WAC: variants seen among roughly 807,000 people sequenced by gnomAD.
WAC encodes the protein WW domain containing adaptor with coiled-coil, also known as WW domain-containing adapter protein with coiled-coil.
In WAC, 11 loss-of-function variants were observed where a neutral mutation model predicts 79.6. The ratio of observed to expected loss-of-function variants is 0.14; its 90% CI spans 0.09 to 0.23. WAC has a LOEUF of 0.23. WAC is among the 10% of genes least tolerant of loss of function. The pLI is 1.00. For missense variants in WAC, 728 were observed against 773.5 expected (o/e 0.94, Z 0.70); for synonymous variants, 304 against 276.9 (o/e 1.10, Z -0.97).
intron 3 of WAC, among the ~76,000 whole-genome samples, chr10:28,538,751 T>G (rs1207053309): frequency 6.6e-6 from 1 of 150,640 alleles, no homozygotes; most frequent in Non-Finnish European, 1.5e-5. Flanking sequence ...ATTTTTTTTT[T>G]GATTAGCTGG....
chr10:28,566,876 C>A (rs992903074), intron 3 of WAC, among the ~76,000 whole-genome samples: 5 of 150,402 alleles, frequency 3.3e-5, no homozygotes, highest in Admixed American at 2.6e-4. Context: ...GTGGTGAGTC[C>A]TTTTCAATCT....
intron 3 of WAC, among the ~76,000 whole-genome samples, chr10:28,573,393 ATG>A (rs1839081554): frequency 6.6e-6 from 1 of 152,166 alleles, no homozygotes; most frequent in Admixed American, 6.5e-5. Flanking sequence ...ATTACACAGT[ATG>A]TGGTCTTTTG....
intron 12 of WAC, among the ~76,000 whole-genome samples, chr10:28,616,935 T>C (rs1841493406): frequency 6.6e-6 from 1 of 152,056 alleles, no homozygotes; most frequent in African/African-American, 2.4e-5. Context: ...GTATAAAAAT[T>C]AGCCAGGCAT....
intron 10 of WAC, among the ~76,000 whole-genome samples, chr10:28,614,054 C>T (rs1841364713): frequency 6.6e-6 from 1 of 151,688 alleles, no homozygotes; most frequent in African/African-American, 2.4e-5. Context: ...AACAGTAAAT[C>T]AGAAGAGATA....
chr10:28,608,089 T>C (rs1289252404), intron 7 of WAC, 97 bp from the exon 8 acceptor site: 7 of 1,392,364 alleles, frequency 5.0e-6, no homozygotes, highest in Non-Finnish European at 6.9e-6. Context: ...TGAGATTACT[T>C]ACGTTAGGTG....
At chr10:28,543,156 A>G (rs1414322729) in intron 3 of WAC, among the ~76,000 whole-genome samples, 1 of 152,222 alleles carries the variant, frequency 6.6e-6, no homozygotes, top group Non-Finnish European at 1.5e-5. Flanking sequence ...GTGGGTCCCA[A>G]AGATCTGCCT....
chr10:28,533,849 C>G (rs575277867), intron 1 of WAC, 149 bp from the exon 2 acceptor site: 46 of 1,086,642 alleles, frequency 4.2e-5, no homozygotes, highest in Non-Finnish European at 5.8e-5. Flanking sequence ...CCGGAGGCTC[C>G]GGGTTTGTGC....
At chr10:28,570,194 G>A (rs143869264) in intron 3 of WAC, among the ~76,000 whole-genome samples, 1 of 152,286 alleles carries the variant, frequency 6.6e-6, no homozygotes, top group East Asian at 1.9e-4. Flanking sequence ...TTTGGGAAAA[G>A]TACTATTCCA....
chr10:28,596,229 T>C (rs1450235377), intron 7 of WAC, among the ~76,000 whole-genome samples, 188 bp downstream of exon 7: 1 of 152,228 alleles, frequency 6.6e-6, no homozygotes, highest in Non-Finnish European at 1.5e-5. Context: ...TTTATAATTA[T>C]CCAGCCTCAG....
intron 4 of WAC, 63 bp downstream of exon 4, chr10:28,583,568 A>AG: frequency 8.8e-7 from 1 of 1,136,862 alleles, no homozygotes; most frequent in South Asian, 1.6e-5. Context: ...AAAAAAAAAA[A>AG]TACAACCCAT....
chr10:28,604,219 C>T (rs1035560231), intron 7 of WAC, among the ~76,000 whole-genome samples: 4 of 150,296 alleles, frequency 2.7e-5, no homozygotes, highest in Non-Finnish European at 4.4e-5. Context: ...TAAGGCCTAC[C>T]TTCCCAGCAT....
At chr10:28,568,208 A>G (rs1404696640) in intron 3 of WAC, among the ~76,000 whole-genome samples, 1 of 152,174 alleles carries the variant, frequency 6.6e-6, no homozygotes, top group South Asian at 2.1e-4. Flanking sequence ...CTTCTTTTTG[A>G]AAGTTTACTT....
chr10:28,593,528 G>C (rs1840203385), intron 6 of WAC, among the ~76,000 whole-genome samples: 1 of 152,052 alleles, frequency 6.6e-6, no homozygotes, highest in Non-Finnish European at 1.5e-5. Context: ...AGCACTTTGG[G>C]AGGCCGAGAC....
chr10:28,594,739 G>A lies in WAC; in HGVS notation c.611-994G>A, dbSNP rs563324054. 2.0e-3 allele frequency among the ~76,000 whole-genome samples: 307 copies of A among 152,270 alleles called. 1 individual carries two copies. The highest frequency in any genetic ancestry group is 3.9e-3 in the South Asian group (19 of 4,828). ...AACTATACAATAATCAACAGAGAGGGCATCCTTTAGTAAAATTATTGTACA... is the reference window on the plus strand; with the variant it reads ...AACTATACAATAATCAACAGAGAGGACATCCTTTAGTAAAATTATTGTACA... On this transcript the variant is annotated intron_variant, in intron 6 of 13. Transcript: ENST00000354911.
rs535211475 is a variant in WAC, at chr10:28,577,668, A to G, written c.275-5731A>G. On this transcript the variant is annotated intron_variant, in intron 3 of 13. Coordinates refer to ENST00000354911, the MANE Select transcript of WAC (RefSeq NM_016628.5). ...AGTAACAGAGGAAGAAGATCTTGGGAAGGTACTGACCTGTAGAGTATAATA... is the reference window on the plus strand; with the variant it reads ...AGTAACAGAGGAAGAAGATCTTGGGGAGGTACTGACCTGTAGAGTATAATA... Among the ~76,000 whole-genome samples, 144 of 152,302 alleles carry G rather than the reference A, an allele frequency of 9.5e-4. 3 individuals are homozygous for G. The South Asian group carries it at 0.028, about 30-fold the overall frequency.
At position 28,620,024 on chromosome 10, in the gene WAC, ATTC is replaced by A. The variant is rs1841634485; in HGVS notation, c.*419_*421del. 6.5e-6 allele frequency: 1 copy of A among 153,798 alleles called. No individual in the cohort carries two copies. The highest frequency in any genetic ancestry group is 2.0e-4 in the South Asian group (1 of 4,900). 9.5% of individuals were successfully genotyped at this position (153,798 alleles called of 1,614,324 possible). On this transcript the variant is annotated 3_prime_UTR_variant, in exon 14 of 14. Transcript: ENST00000354911. ...ATTCAGAAATCTTGCATTTTCAAAA[ATTC>A]AGTGCAAGCGCCAGGCGATTTGTGT...
At chr10:28,616,851 G>A (rs1336223157) in intron 12 of WAC, among the ~76,000 whole-genome samples, 1 of 152,222 alleles carries the variant, frequency 6.6e-6, no homozygotes, top group Non-Finnish European at 1.5e-5. Context: ...GCCAAGGCAG[G>A]TGGATCACTT....
At chr10:28,596,171 T>TGTGTAGAGTTAG in intron 7 of WAC, 130 bp downstream of exon 7, 2 of 992,060 alleles carry the variant, frequency 2.0e-6, no homozygotes, top group Non-Finnish European at 2.9e-6. Flanking sequence ...AGAATGTTTC[T>TGTGTAGAGTTAG]GTGTAGAGTT....
intron 8 of WAC, among the ~76,000 whole-genome samples, chr10:28,610,263 G>A (rs1841168664): frequency 6.6e-6 from 1 of 151,912 alleles, no homozygotes; most frequent in African/African-American, 2.4e-5. Flanking sequence ...GATTTATTAG[G>A]GTGGATCTTG....
Sources: allele counts gnomAD v4.1 joint callset (sites outside exome capture counted in the v4.1 genomes callset), GRCh38; gene constraint gnomAD v4.1.1; transcripts MANE v1.5; gene names NCBI Gene and HGNC (gene_info 2026-07-23, HGNC 2026-07-21).